The following WNK2 variants were observed in gnomAD, a reference collection of about 807,000 sequenced individuals.
WNK2 encodes the protein WNK lysine deficient protein kinase 2.
Under a neutral mutation model 192.1 loss-of-function variants are expected in WNK2, and 67 were observed. The ratio of observed to expected loss-of-function variants is 0.35; its 90% CI spans 0.29 to 0.43. WNK2 has a LOEUF of 0.43. Among genes scored for constraint, WNK2 ranks in the 20% least tolerant of loss-of-function variants. WNK2 has a pLI of 1.00. For missense variants in WNK2, 2,698 were observed against 3,089.7 expected (o/e 0.87, Z 3.01); for synonymous variants, 1,439 against 1,393.9 (o/e 1.03, Z -0.72).
At chr9:93,212,682 G>C (rs369342792) in intron 2 of WNK2, among the ~76,000 whole-genome samples, 1 of 152,224 alleles carries the variant, frequency 6.6e-6, no homozygotes, top group East Asian at 1.9e-4. Flanking sequence ...CGACATGCAG[G>C]GCTCATAGGA....
rs1321914819 is a variant in WNK2 at position 93,247,728 on chromosome 9, C to T, written c.1728C>T (p.Thr576=). The change falls in exon 8 of 30, where the codon ACC becomes ACT. Residue 576 remains threonine (T), a synonymous_variant. Coordinates refer to ENST00000427277, the MANE Select transcript of WNK2 (RefSeq NM_006648.4). The surrounding 1 kb of genome is among the most constrained non-coding windows in gnomAD (Gnocchi z 5.2). Reference sequence around the variant, plus strand: ...CGGTGCCCCTGCAGGTCCAGGTGACCTACCATGCACAGGCTGGGCAGCCCG... The same window carrying T: ...CGGTGCCCCTGCAGGTCCAGGTGACTTACCATGCACAGGCTGGGCAGCCCG... The part of the protein sequence containing the change: ...GPPVPLQVQV[T]YHAQAGQPGP... 2 of 1,557,442 alleles carry T rather than the reference C, an allele frequency of 1.3e-6. No homozygotes were observed. The highest frequency in any genetic ancestry group is 1.7e-6 in the Non-Finnish European group (2 of 1,151,494).
At chr9:93,234,630 G>T (rs1198344467) in intron 4 of WNK2, among the ~76,000 whole-genome samples, 178 bp from the exon 5 acceptor site, 2 of 152,216 alleles carry the variant, frequency 1.3e-5, no homozygotes, top group Non-Finnish European at 2.9e-5. Context: ...TGTCTGTAAA[G>T]CACACCTGTG....
intron 19 of WNK2, among the ~76,000 whole-genome samples, chr9:93,286,982 G>A (rs917172176): frequency 9.9e-5 from 15 of 152,160 alleles, no homozygotes; most frequent in Non-Finnish European, 4.4e-5. Flanking sequence ...AAAGCAGAGA[G>A]CAGAATGGAA....
chr9:93,253,940 G>A (rs576693947), intron 9 of WNK2, among the ~76,000 whole-genome samples: 37 of 152,230 alleles, frequency 2.4e-4, no homozygotes, highest in African/African-American at 8.4e-4. Flanking sequence ...TATTTGAGAT[G>A]GAGTCTTGCT....
At chr9:93,280,750 G>C (rs1268047168) in intron 19 of WNK2, among the ~76,000 whole-genome samples, 1 of 152,162 alleles carries the variant, frequency 6.6e-6, no homozygotes, top group Non-Finnish European at 1.5e-5. Context: ...ACTATTCCTT[G>C]TCTACTGGCA....
intron 24 of WNK2, 60 bp from the exon 25 acceptor site, chr9:93,299,010 C>A: frequency 6.6e-7 from 1 of 1,520,662 alleles, no homozygotes; most frequent in Non-Finnish European, 8.9e-7. Context: ...AGACTCAATC[C>A]ACACGGCCCC....
At chr9:93,307,660 G>C (rs138991459) in intron 27 of WNK2, 6 of 152,292 alleles carry the variant, frequency 3.9e-5, no homozygotes, top group South Asian at 4.1e-4. Context: ...TGGTGGGGCC[G>C]CGTCAGGCAG....
rs781750583 is a variant in WNK2 at position 93,299,224 on chromosome 9, C to T, written c.6078C>T (p.Ser2026=). 9 of 1,585,504 alleles carry T rather than the reference C, an allele frequency of 5.7e-6. No homozygotes were observed. Among genetic ancestry groups the T allele is most frequent in the African/African-American group, 1.3e-5 (1 of 74,402 alleles). The change falls in exon 25 of 30, where the codon TCC becomes TCT. Residue 2026 remains serine (S), a synonymous_variant. Coordinates refer to ENST00000427277, the MANE Select transcript of WNK2 (RefSeq NM_006648.4). ...CCTCCCTGTCTTCGGACATCTGCTC[C>T]GGCTTAGCCAGTGATGGAGGCGGAG... ...VRASLSSDIC[S]GLASDGGGAR...
At chr9:93,223,345 C>G (rs1374199742) in intron 2 of WNK2, among the ~76,000 whole-genome samples, 2 of 152,238 alleles carry the variant, frequency 1.3e-5, no homozygotes, top group Non-Finnish European at 2.9e-5. Context: ...ACAGAGGCCA[C>G]TTCCTCCAGG....
chr9:93,221,559 C>T (rs1394878134), intron 2 of WNK2, among the ~76,000 whole-genome samples: 1 of 152,226 alleles, frequency 6.6e-6, no homozygotes, highest in Admixed American at 6.5e-5. Context: ...AAGTAATTGG[C>T]ACAAGAGCTC....
At chr9:93,194,333 C>A (rs1199786503) in intron 2 of WNK2, among the ~76,000 whole-genome samples, 1 of 152,102 alleles carries the variant, frequency 6.6e-6, no homozygotes, top group Non-Finnish European at 1.5e-5. Context: ...GGACTGTTAT[C>A]CAAAATTTAC....
chr9:93,300,862 A>G (rs1469513137), intron 26 of WNK2, among the ~76,000 whole-genome samples: 1 of 152,034 alleles, frequency 6.6e-6, no homozygotes, highest in Non-Finnish European at 1.5e-5. Flanking sequence ...GCTGTCTCCA[A>G]CCCCAAATAG....
chr9:93,201,376 T>G (rs1222810046), intron 2 of WNK2, among the ~76,000 whole-genome samples: 1 of 152,236 alleles, frequency 6.6e-6, no homozygotes, highest in Non-Finnish European at 1.5e-5. Context: ...CCTTCACAGC[T>G]TGAGGCCCCT....
chr9:93,219,631 T>C (rs1836446104), intron 2 of WNK2, among the ~76,000 whole-genome samples: 1 of 152,216 alleles, frequency 6.6e-6, no homozygotes, highest in Non-Finnish European at 1.5e-5. Context: ...GGCCGAGGCT[T>C]AGCCCATCTG....
chr9:93,195,041 C>T (rs1319824073), intron 2 of WNK2, among the ~76,000 whole-genome samples: 2 of 150,174 alleles, frequency 1.3e-5, no homozygotes, highest in Admixed American at 6.6e-5. Context: ...AAAAAAAGTT[C>T]AGTGGTTGCC....
intron 2 of WNK2, among the ~76,000 whole-genome samples, chr9:93,210,434 C>G (rs988901721): frequency 1.1e-4 from 17 of 152,092 alleles, no homozygotes; most frequent in African/African-American, 3.9e-4. Flanking sequence ...GGGCGGCTGT[C>G]AGGGGAGCGA....
chr9:93,241,936 T>C (rs929979636), intron 7 of WNK2, among the ~76,000 whole-genome samples: 1 of 152,048 alleles, frequency 6.6e-6, no homozygotes, highest in Non-Finnish European at 1.5e-5. Context: ...GGCTGAGGAC[T>C]TTGGGCTACT....
chr9:93,284,565 T>C (rs1015205736), intron 19 of WNK2, among the ~76,000 whole-genome samples: 6 of 150,570 alleles, frequency 4.0e-5, no homozygotes, highest in African/African-American at 9.8e-5. Flanking sequence ...TCAGCACTTC[T>C]ATTAAGTATC....
chr9:93,211,250 T>TCATA (rs796783109), intron 2 of WNK2, among the ~76,000 whole-genome samples: 238 of 1,068 alleles, frequency 0.22, 53 homozygotes, highest in East Asian at 0.22. Context: ...ATTCACTCAC[T>TCATA]CACTCATTCA....
Sources: allele counts gnomAD v4.1 joint callset (sites outside exome capture counted in the v4.1 genomes callset), GRCh38; gene constraint gnomAD v4.1.1; non-coding constraint Gnocchi (gnomAD v3.1); transcripts MANE v1.5; gene names NCBI Gene and HGNC (gene_info 2026-07-23, HGNC 2026-07-21).